Variants in SOX6 observed in about 807,000 individuals in gnomAD.
SOX6 encodes SRY-box transcription factor 6.
A neutral mutation model predicts 97.8 loss-of-function variants in SOX6; 11 were observed. The observed-to-expected ratio is 0.11, with a 90% CI of 0.07 to 0.19. The LOEUF (loss-of-function observed/expected upper bound fraction) is 0.19. SOX6 is among the 10% of genes least tolerant of loss of function. The pLI is 1.00. For missense variants in SOX6, 810 were observed against 1,039.5 expected (o/e 0.78, Z 3.04); for synonymous variants, 360 against 371.4 (o/e 0.97, Z 0.35).
At chr11:16,580,388 T>C (rs994676641) in intron 4 of SOX6, among the ~76,000 whole-genome samples, 2 of 152,112 alleles carry the variant, frequency 1.3e-5, no homozygotes, top group Admixed American at 1.3e-4. Flanking sequence ...TAACTGAGCA[T>C]GTACAAGGTA....
chr11:16,699,395 G>C (rs555408802), intron 3 of SOX6, among the ~76,000 whole-genome samples: 1 of 151,876 alleles, frequency 6.6e-6, no homozygotes. Context: ...AGAAACTTAT[G>C]GTCATGTTTC....
chr11:16,139,953 A>T (rs201385146), intron 6 of SOX6, among the ~76,000 whole-genome samples: 117 of 129,482 alleles, frequency 9.0e-4, no homozygotes, highest in African/African-American at 2.6e-3. Context: ...CTCATATATT[A>T]TATATATATA....
chr11:16,639,024 G>A (rs1590027942), intron 3 of SOX6, among the ~76,000 whole-genome samples: 2 of 152,136 alleles, frequency 1.3e-5, no homozygotes, highest in Admixed American at 6.5e-5. Context: ...TATTGCCTAC[G>A]TTTTCTTCTA....
intron 4 of SOX6, among the ~76,000 whole-genome samples, chr11:16,196,880 C>CTGGAG (rs1851794125): frequency 1.5e-5 from 2 of 133,462 alleles, no homozygotes; most frequent in Admixed American, 1.8e-4. Context: ...GTTACCCAGG[C>CTGGAG]TGGAGTGCAG....
intron 12 of SOX6, among the ~76,000 whole-genome samples, chr11:16,033,427 G>C (rs1051420036): frequency 2.6e-5 from 4 of 152,108 alleles, no homozygotes; most frequent in Non-Finnish European, 5.9e-5. Flanking sequence ...TTTGGATTTA[G>C]ACATGACCGA....
At chr11:16,027,257 T>C (rs1855239558) in intron 12 of SOX6, among the ~76,000 whole-genome samples, 1 of 152,164 alleles carries the variant, frequency 6.6e-6, no homozygotes, top group African/African-American at 2.4e-5. Context: ...AAAACTAAGA[T>C]ATATAAGTTA....
chr11:16,004,103 T>C (rs926522617), intron 13 of SOX6, among the ~76,000 whole-genome samples: 2 of 151,860 alleles, frequency 1.3e-5, no homozygotes, highest in Non-Finnish European at 1.5e-5. Flanking sequence ...AATGGGACTT[T>C]CCTTAAATAG....
intron 1 of SOX6, among the ~76,000 whole-genome samples, chr11:16,384,539 A>G (rs1590175584): frequency 6.6e-6 from 1 of 151,980 alleles, no homozygotes; most frequent in East Asian, 1.9e-4. Context: ...AAAACCACAT[A>G]TGATTACCTC....
At chr11:16,680,191 G>A (rs929949084) in intron 3 of SOX6, among the ~76,000 whole-genome samples, 41 of 152,194 alleles carry the variant, frequency 2.7e-4, no homozygotes, top group African/African-American at 8.4e-4. Context: ...AGGAAAAAAT[G>A]TTAAGGGCAG....
chr11:16,351,132 C>A (rs1223261361), intron 1 of SOX6, among the ~76,000 whole-genome samples: 2 of 152,056 alleles, frequency 1.3e-5, no homozygotes, highest in African/African-American at 2.4e-5. Context: ...GTATTTATAC[C>A]AAGATATGCT....
At chr11:16,097,838 C>T (rs1223563955) in intron 7 of SOX6, 150 bp from the exon 8 acceptor site, 2 of 758,068 alleles carry the variant, frequency 2.6e-6, no homozygotes, top group African/African-American at 1.7e-5. Flanking sequence ...TGGGCACAGA[C>T]TTGCAGTGCT....
At chr11:16,644,054 C>T (rs553724313) in intron 3 of SOX6, among the ~76,000 whole-genome samples, 52 of 152,194 alleles carry the variant, frequency 3.4e-4, no homozygotes, top group Non-Finnish European at 3.1e-4. Flanking sequence ...CTTGGAACCA[C>T]CACTGACATA....
At chr11:16,345,542 C>T (rs1280769234) in intron 1 of SOX6, among the ~76,000 whole-genome samples, 4 of 151,990 alleles carry the variant, frequency 2.6e-5, no homozygotes, top group Non-Finnish European at 5.9e-5. Flanking sequence ...TTATTTTACT[C>T]CAAAACACCA....
chr11:16,562,963 G>C (rs1847832019), intron 4 of SOX6, among the ~76,000 whole-genome samples: 1 of 151,990 alleles, frequency 6.6e-6, no homozygotes, highest in East Asian at 1.9e-4. Flanking sequence ...AGGAAAGCTA[G>C]CTAAAACAAG....
At chr11:16,652,109 T>G (rs1358112677) in intron 3 of SOX6, among the ~76,000 whole-genome samples, 3 of 152,032 alleles carry the variant, frequency 2.0e-5, no homozygotes, top group Non-Finnish European at 4.4e-5. Flanking sequence ...AAAGAAATTA[T>G]CAATGACATA....
intron 10 of SOX6, among the ~76,000 whole-genome samples, chr11:16,052,898 G>A (rs1232494039): frequency 6.6e-6 from 1 of 152,092 alleles, no homozygotes; most frequent in African/African-American, 2.4e-5. Flanking sequence ...GCTATTTCTG[G>A]TCCTTTGTGA....
chr11:16,402,070 T>C (rs1858573028), intron 1 of SOX6, among the ~76,000 whole-genome samples: 1 of 151,520 alleles, frequency 6.6e-6, no homozygotes. Context: ...TTTGCTGAAA[T>C]AAAGTATTTT....
intron 1 of SOX6, among the ~76,000 whole-genome samples, chr11:16,364,109 T>G (rs918849974): frequency 4.6e-5 from 7 of 152,166 alleles, no homozygotes; most frequent in South Asian, 2.1e-4. Flanking sequence ...AAGAATTTTA[T>G]TTTTCAAACC....
intron 3 of SOX6, chr11:16,264,850 C>CAAAAAAA (rs113144535): frequency 7.5e-6 from 1 of 133,234 alleles, no homozygotes; most frequent in Non-Finnish European, 1.6e-5. Flanking sequence ...TACCCTCCTG[C>CAAAAAAA]AAAAAAAAAA....
Sources: allele counts gnomAD v4.1 joint callset (sites outside exome capture counted in the v4.1 genomes callset), GRCh38; gene constraint gnomAD v4.1.1; transcripts MANE v1.5; gene names NCBI Gene and HGNC (gene_info 2026-07-23, HGNC 2026-07-21).